The following SEPSECS variants were observed in gnomAD, a reference collection of about 807,000 sequenced individuals.
SEPSECS encodes the protein O-phosphoseryl-tRNA(Sec) selenium transferase.
Under a neutral mutation model 52.1 loss-of-function variants are expected in SEPSECS, and 42 were observed. The observed-to-expected ratio is 0.81, with a 90% CI of 0.63 to 1.04. SEPSECS has a LOEUF of 1.04. Ranked by LOEUF, SEPSECS falls within the 50% of genes least tolerant of loss-of-function variation. The pLI is 0.00. For missense variants in SEPSECS, 590 were observed against 610.6 expected (o/e 0.97, Z 0.36); for synonymous variants, 216 against 211.4 (o/e 1.02, Z -0.19).
chr4:25,137,378 A>G (rs529130198), intron 8 of SEPSECS, among the ~76,000 whole-genome samples: 2 of 152,282 alleles, frequency 1.3e-5, no homozygotes, highest in South Asian at 4.1e-4. Flanking sequence ...AAAAAAAATC[A>G]AACAACCCCA....
intron 8 of SEPSECS, among the ~76,000 whole-genome samples, chr4:25,135,393 C>T (rs1728801482): frequency 6.6e-6 from 1 of 151,878 alleles, no homozygotes; most frequent in African/African-American, 2.4e-5. Flanking sequence ...TCACCACTGA[C>T]CCACAGAAAT....
rs377121043 is a variant in SEPSECS, at chr4:25,149,259, T to C, written c.804+2701A>G. On this transcript the variant is annotated intron_variant, in intron 6 of 10. Transcript: ENST00000382103. Reference sequence around the variant, plus strand: ...AAATTTTAGTTTTGTAGAGATGGAGTCTTGCTTTGTTGCCCAGGGAGGTCT... The same window carrying C: ...AAATTTTAGTTTTGTAGAGATGGAGCCTTGCTTTGTTGCCCAGGGAGGTCT... Among the ~76,000 whole-genome samples, 80 of 151,866 alleles carry C rather than the reference T, an allele frequency of 5.3e-4. 1 individual carries two copies. Among genetic ancestry groups the C allele is most frequent in the African/African-American group, 1.8e-3 (76 of 41,386 alleles).
chr4:25,149,502 G>A (rs1389453893), intron 6 of SEPSECS, among the ~76,000 whole-genome samples: 1 of 152,070 alleles, frequency 6.6e-6, no homozygotes. Flanking sequence ...AAAATTAAAT[G>A]TACACAATGA....
chr4:25,158,896 A>G (rs1577634304), intron 2 of SEPSECS, 57 bp downstream of exon 2: 2 of 1,518,444 alleles, frequency 1.3e-6, no homozygotes, highest in Non-Finnish European at 9.1e-7. Context: ...TGCTGCCATT[A>G]TTTTGAACCA....
chr4:25,148,081 G>C (rs1005661126), intron 6 of SEPSECS, among the ~76,000 whole-genome samples: 1 of 152,038 alleles, frequency 6.6e-6, no homozygotes, highest in Non-Finnish European at 1.5e-5. Flanking sequence ...GGCCAGGCAC[G>C]GTGGCTCACA....
At chr4:25,143,560 T>G (rs914261681) in intron 8 of SEPSECS, among the ~76,000 whole-genome samples, 11 of 152,238 alleles carry the variant, frequency 7.2e-5, no homozygotes, top group African/African-American at 2.4e-4. Context: ...ATTGTGGTTT[T>G]AAATTTGCAT....
chr4:25,157,028 T>C (rs1436619909), intron 2 of SEPSECS, 54 bp from the exon 3 acceptor site: 2 of 940,736 alleles, frequency 2.1e-6, no homozygotes, highest in African/African-American at 1.6e-5. Flanking sequence ...TTCCGAGTAA[T>C]ACAATGTACA....
rs1268469281 is a variant in SEPSECS at position 25,121,519 on chromosome 4, G to A, written c.*2412C>T. ...GGCCAATTATGAGGCTTACCAATCA[G>A]TACTAGCGAATTATAATAAATACAT... On this transcript the variant is annotated 3_prime_UTR_variant, in exon 11 of 11. Coordinates refer to ENST00000382103, the MANE Select transcript of SEPSECS (RefSeq NM_016955.4). The A allele has an allele frequency of 1.3e-5, 2 of 152,150 alleles. No homozygotes were observed. The highest frequency in any genetic ancestry group is 6.5e-5 in the Admixed American group (1 of 15,274). 9.4% of individuals were successfully genotyped at this position (152,150 alleles called of 1,614,324 possible). A position where few individuals can be genotyped will look rare whatever the true frequency, so the allele number is the denominator to read the frequency against.
intron 6 of SEPSECS, among the ~76,000 whole-genome samples, chr4:25,146,528 C>CA (rs1191858377): frequency 1.3e-5 from 2 of 152,170 alleles, no homozygotes; most frequent in African/African-American, 4.8e-5. Flanking sequence ...AGTGGACAGT[C>CA]AGAGTTGCCT....
intron 5 of SEPSECS, among the ~76,000 whole-genome samples, chr4:25,154,511 G>A (rs1463586297): frequency 2.0e-5 from 3 of 151,900 alleles, no homozygotes; most frequent in African/African-American, 7.3e-5. Flanking sequence ...TTAAATATTT[G>A]TATTATTCTC....
At chr4:25,159,457 C>A (rs1712910162) in intron 1 of SEPSECS, 1 of 350,662 alleles carries the variant, frequency 2.9e-6, no homozygotes, top group South Asian at 2.2e-5. Flanking sequence ...TGGAGAAGGG[C>A]GGTAGTTGTC....
At chr4:25,146,219 C>T (rs1198634958) in intron 6 of SEPSECS, among the ~76,000 whole-genome samples, 1 of 151,994 alleles carries the variant, frequency 6.6e-6, no homozygotes, top group African/African-American at 2.4e-5. Context: ...CATATTTGAC[C>T]TTCATTTTCA....
chr4:25,154,711 C>G (rs567001209), intron 5 of SEPSECS, among the ~76,000 whole-genome samples: 2 of 152,022 alleles, frequency 1.3e-5, no homozygotes, highest in East Asian at 3.9e-4. Context: ...AAAAAACATG[C>G]TAAGAGATCA....
At position 25,131,836 on chromosome 4, in the gene SEPSECS, C is replaced by T. The variant is rs189121450; in HGVS notation, c.1027-4479G>A. Among the ~76,000 whole-genome samples the T allele has an allele frequency of 2.6e-5, 4 of 152,302 alleles. No homozygotes were observed. In the East Asian group the frequency reaches 7.7e-4, roughly 29 times the overall value. Reference sequence around the variant, plus strand: ...TTTGCAACAATAAATGATTACCTGCCTTCCCTGTTCAGCAAAGCACTTTTC... The same window carrying T: ...TTTGCAACAATAAATGATTACCTGCTTTCCCTGTTCAGCAAAGCACTTTTC... On this transcript the variant is annotated intron_variant, in intron 8 of 10. Transcript: ENST00000382103.
At chr4:25,131,554 C>A (rs930575275) in intron 8 of SEPSECS, among the ~76,000 whole-genome samples, 1 of 152,204 alleles carries the variant, frequency 6.6e-6, no homozygotes, top group Non-Finnish European at 1.5e-5. Context: ...AATCTTGCCT[C>A]AGAGGCTACA....
intron 4 of SEPSECS, among the ~76,000 whole-genome samples, chr4:25,155,658 T>C (rs1470628684): frequency 6.6e-6 from 1 of 152,194 alleles, no homozygotes; most frequent in Non-Finnish European, 1.5e-5. Context: ...AAAAACATAA[T>C]AAATTTCAGT....
In SEPSECS at chr4:25,122,223, TA is replaced by T. The variant is rs940805007; in HGVS notation, c.*1707del. On this transcript the variant is annotated 3_prime_UTR_variant, in exon 11 of 11. Coordinates refer to ENST00000382103, the MANE Select transcript of SEPSECS (RefSeq NM_016955.4). ...AAATAACCTTCATGATATTCATAGT[TA>T]AATACTTCATCTCAAAATAGTCATT... 6.6e-5 allele frequency: 10 copies of T among 152,162 alleles called. No individual in the cohort carries two copies. Among genetic ancestry groups the T allele is most frequent in the African/African-American group, 2.4e-4 (10 of 41,464 alleles). 9.4% of individuals were successfully genotyped at this position (152,162 alleles called of 1,614,324 possible).
At chr4:25,148,030 A>C (rs1022112920) in intron 6 of SEPSECS, among the ~76,000 whole-genome samples, 1 of 152,120 alleles carries the variant, frequency 6.6e-6, no homozygotes, top group Non-Finnish European at 1.5e-5. Context: ...TACACCTTAA[A>C]TTGTCAGGAT....
intron 5 of SEPSECS, among the ~76,000 whole-genome samples, chr4:25,154,687 T>C (rs1712510555): frequency 6.6e-6 from 1 of 152,088 alleles, no homozygotes; most frequent in Admixed American, 6.6e-5. Flanking sequence ...AAGAAACTTC[T>C]ATTAAATAAT....
Sources: allele counts gnomAD v4.1 joint callset (sites outside exome capture counted in the v4.1 genomes callset), GRCh38; gene constraint gnomAD v4.1.1; transcripts MANE v1.5; gene names NCBI Gene and HGNC (gene_info 2026-07-23, HGNC 2026-07-21).